The following TUBB8B variants were observed in gnomAD, a reference collection of about 807,000 sequenced individuals.
TUBB8B encodes the protein tubulin beta 8B.
Under a neutral mutation model 31.9 loss-of-function variants are expected in TUBB8B, and 26 were observed. The observed-to-expected ratio is 0.81, with a 90% CI of 0.60 to 1.13. The LOEUF (loss-of-function observed/expected upper bound fraction) is 1.13, where lower values mean the gene tolerates loss of function less well. Among genes scored for constraint, TUBB8B ranks in the 50% most tolerant of loss-of-function variants. TUBB8B has a pLI of 0.00. For missense variants in TUBB8B, 467 were observed against 586.7 expected (o/e 0.80, Z 2.11); for synonymous variants, 173 against 231.0 (o/e 0.75, Z 2.28).
chr18:52,355 T>C (rs1600580841), upstream of TUBB8B, among the ~76,000 whole-genome samples: 1 of 151,146 alleles, frequency 6.6e-6, no homozygotes. Context: ...GAGCACAAGG[T>C]GGACAGTCCA....
the TUBB8B span, among the ~76,000 whole-genome samples, chr18:66,833 C>T: frequency 6.6e-6 from 1 of 152,022 alleles, no homozygotes; most frequent in Non-Finnish European, 1.5e-5. Flanking sequence ...ACAGGATCCA[C>T]AAAGAATCTG....
the TUBB8B span, among the ~76,000 whole-genome samples, chr18:69,411 TGGTGCCAGA>T: frequency 2.2e-4 from 34 of 152,218 alleles, 1 homozygote; most frequent in Non-Finnish European, 4.0e-4. Context: ...TGAGCCGAGA[TGGTGCCAGA>T]GGACTCCAGC....
Position 48,986 on chromosome 18 carries a change from G to C in TUBB8B, c.231C>G (p.His77Gln). ...TGAAGACCTGCCCGAAGGGCCCCGAGTGCACAGAGTCCATGGTGCCCGGCT... is the reference window on the plus strand; with the variant it reads ...TGAAGACCTGCCCGAAGGGCCCCGACTGCACAGAGTCCATGGTGCCCGGCT... The part of the protein sequence containing the change: ...DLEPGTMDSV[H>Q]SGPFGQVFRP... Residue 77 changes from histidine (H) to glutamine (Q), a missense_variant, in exon 3 of 4, where the codon CAC becomes CAG. His to Gln is a conservative substitution (Grantham distance 24, BLOSUM62 0). Transcript: ENST00000308911. 23 of 1,609,586 alleles carry C rather than the reference G, an allele frequency of 1.4e-5. 1 individual carries two copies. Among genetic ancestry groups the C allele is most frequent in the Non-Finnish European group, 1.9e-5 (22 of 1,178,040 alleles).
At chr18:58,325 C>A in the TUBB8B span, among the ~76,000 whole-genome samples, 4 of 151,470 alleles carry the variant, frequency 2.6e-5, no homozygotes, top group African/African-American at 9.7e-5. Flanking sequence ...TTACAACTTA[C>A]TTTTTTTTGC....
the TUBB8B span, among the ~76,000 whole-genome samples, chr18:71,911 G>C: frequency 6.7e-6 from 1 of 149,648 alleles, no homozygotes; most frequent in African/African-American, 2.4e-5. Context: ...GGGCTCAGTG[G>C]CTCACGCGTG....
chr18:66,996 G>GTTT, the TUBB8B span, among the ~76,000 whole-genome samples: 4,086 of 139,606 alleles, frequency 0.029, 196 homozygotes, highest in African/African-American at 0.096. Flanking sequence ...TGTTTTTTTT[G>GTTT]TTTTTTTTTT....
At chr18:65,054 AC>A in the TUBB8B span, among the ~76,000 whole-genome samples, 1 of 152,116 alleles carries the variant, frequency 6.6e-6, no homozygotes, top group African/African-American at 2.4e-5. Flanking sequence ...AAATCCCAGC[AC>A]TTTGGGAGGC....
chr18:61,944 T>C, the TUBB8B span, among the ~76,000 whole-genome samples: 1 of 151,852 alleles, frequency 6.6e-6, no homozygotes, highest in Non-Finnish European at 1.5e-5. Flanking sequence ...TTCTGTACCT[T>C]CAGATGACTT....
the TUBB8B span, among the ~76,000 whole-genome samples, chr18:62,880 A>G: frequency 2.0e-5 from 3 of 151,648 alleles, no homozygotes; most frequent in Admixed American, 2.0e-4. Flanking sequence ...TCTGACTTCA[A>G]GTTCACTAAA....
At chr18:70,098 C>T in the TUBB8B span, among the ~76,000 whole-genome samples, 78 of 135,928 alleles carry the variant, frequency 5.7e-4, no homozygotes, top group African/African-American at 1.9e-3. Context: ...AGGCTGCAGT[C>T]AGCCGAGATC....
chr18:59,796 G>A, the TUBB8B span, among the ~76,000 whole-genome samples: 3 of 151,642 alleles, frequency 2.0e-5, no homozygotes, highest in Non-Finnish European at 2.9e-5. Context: ...CACCTATCTC[G>A]GCTTCCAAAA....
chr18:72,975 A>G, the TUBB8B span, among the ~76,000 whole-genome samples: 56 of 152,258 alleles, frequency 3.7e-4, no homozygotes, highest in Non-Finnish European at 5.9e-4. Flanking sequence ...CGAAAGAAAC[A>G]AAACAAAACA....
chr18:47,804 G>T lies in TUBB8B; in HGVS notation c.921C>A (p.His307Gln). 2 of 1,610,654 alleles carry T rather than the reference G, an allele frequency of 1.2e-6. No homozygotes were observed. Among genetic ancestry groups the T allele is most frequent in the Middle Eastern group, 2.0e-4 (1 of 5,014 alleles). Residue 307 changes from histidine to glutamine, a missense_variant, in exon 4 of 4, where the codon CAC (histidine) becomes CAA (glutamine). Coordinates refer to ENST00000308911, the MANE Select transcript of TUBB8B (RefSeq NM_001358689.2). ...KNMMAACDPRHGCYLTVAAIF... is the reference protein window; with the variant it reads ...KNMMAACDPRQGCYLTVAAIF... ...TGGCAGCCACCGTTAGGTAGCAGCC[G>T]TGACGGGGGTCACAGGCAGCCATCA...
At chr18:48,488 C>T (rs1421576801) in intron 3 of TUBB8B, 41 bp from the exon 4 acceptor site, 36 of 1,084,314 alleles carry the variant, frequency 3.3e-5, no homozygotes, top group South Asian at 1.4e-4. Flanking sequence ...GCCAGGTATA[C>T]GGTCATCAGT....
the TUBB8B span, among the ~76,000 whole-genome samples, chr18:58,798 T>C: frequency 2.0e-5 from 3 of 151,766 alleles, no homozygotes; most frequent in African/African-American, 7.3e-5. Context: ...TATAAATACC[T>C]GAGACTGGGT....
the TUBB8B span, among the ~76,000 whole-genome samples, chr18:61,543 C>T: frequency 6.6e-6 from 1 of 151,410 alleles, no homozygotes; most frequent in Non-Finnish European, 1.5e-5. Flanking sequence ...TTCCTGTCTT[C>T]CTTTTAGTGA....
chr18:60,649 C>T, the TUBB8B span, among the ~76,000 whole-genome samples: 225 of 151,742 alleles, frequency 1.5e-3, 4 homozygotes, highest in South Asian at 0.044. Context: ...ACAGGTTTTG[C>T]TATGCTATGT....
At chr18:64,837 A>G in the TUBB8B span, among the ~76,000 whole-genome samples, 1 of 152,090 alleles carries the variant, frequency 6.6e-6, no homozygotes, top group African/African-American at 2.4e-5. Flanking sequence ...TTCCTCAGGT[A>G]TGTTTTCTTT....
chr18:58,636 C>T, the TUBB8B span, among the ~76,000 whole-genome samples: 11 of 151,690 alleles, frequency 7.3e-5, no homozygotes, highest in African/African-American at 2.7e-4. Flanking sequence ...TCAACTTTCC[C>T]TCATTTTTCT....
Sources: allele counts gnomAD v4.1 joint callset (sites outside exome capture counted in the v4.1 genomes callset), GRCh38; gene constraint gnomAD v4.1.1; transcripts MANE v1.5; gene names NCBI Gene and HGNC (gene_info 2026-07-23, HGNC 2026-07-21).